PDCD6: variants seen among roughly 807,000 people sequenced by gnomAD.
The protein encoded by PDCD6 is programmed cell death 6, also known as programmed cell death protein 6.
Under a neutral mutation model 28.3 loss-of-function variants are expected in PDCD6, and 12 were observed. The observed-to-expected ratio is 0.42, with a 90% confidence interval of 0.27 to 0.69. PDCD6 has a LOEUF of 0.69. Ranked by LOEUF, PDCD6 falls within the 30% of genes least tolerant of loss-of-function variation. The pLI is 0.22. For missense variants in PDCD6, 226 were observed against 269.9 expected (o/e 0.84, Z 1.14); for synonymous variants, 92 against 108.0 (o/e 0.85, Z 0.92).
At chr5:283,013 G>A (rs1738688283) in intron 2 of PDCD6, among the ~76,000 whole-genome samples, 2 of 150,640 alleles carry the variant, frequency 1.3e-5, no homozygotes, top group South Asian at 2.1e-4. Context: ...ATTGAGCATC[G>A]TACAGCTGAA....
intron 3 of PDCD6, 48 bp downstream of exon 3, chr5:304,269 G>A (rs761400769): frequency 1.1e-5 from 15 of 1,316,778 alleles, no homozygotes; most frequent in African/African-American, 3.7e-5. Flanking sequence ...TATCCGACCC[G>A]CTTGGGTACC....
At chr5:277,979 A>G (rs373952225) in intron 2 of PDCD6, among the ~76,000 whole-genome samples, 4 of 151,968 alleles carry the variant, frequency 2.6e-5, no homozygotes, top group South Asian at 2.1e-4. Context: ...GGCCAGACAA[A>G]TCTAAACTTT....
chr5:302,706 G>T (rs1467987151), intron 2 of PDCD6, among the ~76,000 whole-genome samples: 1 of 115,682 alleles, frequency 8.6e-6, no homozygotes, highest in Non-Finnish European at 1.8e-5. Context: ...TGTGTGTGTG[G>T]GCCACGGGTT....
rs761977523 is a variant in PDCD6, at chr5:306,694, A to G, written c.301A>G (p.Thr101Ala). ...CACGGACTGGCAGAACGTCTTCCGC[A>G]CGTACGACCGGGACAACTCCGGGAT... is the stretch of plus-strand genomic sequence containing the variant. ...YITDWQNVFR[T>A]YDRDNSGMID... is the part of the protein sequence containing the mutation. The change falls in exon 4 of 6, where the codon ACG becomes GCG. Residue 101 changes from threonine (T) to alanine (A), a missense_variant. By Grantham distance (58) the Thr-to-Ala change is moderately conservative (BLOSUM62 0). Transcript: ENST00000264933. 17 of 1,613,958 alleles carry G rather than the reference A, an allele frequency of 1.1e-5. No individual in the cohort carries two copies. The East Asian group carries it at 2.9e-4, about 27-fold the overall frequency.
At position 298,192 on chromosome 5, in the gene PDCD6, A is replaced by G. The variant is rs565764442; in HGVS notation, c.164-5985A>G. Among the ~76,000 whole-genome samples the G allele has an allele frequency of 5.3e-4, 81 of 152,250 alleles. 3 individuals carry two copies. The South Asian group carries it at 0.014, about 27-fold the overall frequency. ...CGAGCTGGAGAAGCTGGGGGCCCCC[A>G]TAGCCCCACTGTCCTTCCTGCCTCA... On this transcript the variant is annotated intron_variant, in intron 2 of 5. Coordinates refer to ENST00000264933, the MANE Select transcript of PDCD6 (RefSeq NM_013232.4).
chr5:279,807 C>CGGG (rs1491222274), intron 2 of PDCD6, among the ~76,000 whole-genome samples: 1 of 88,808 alleles, frequency 1.1e-5, no homozygotes, highest in Non-Finnish European at 1.9e-5. Context: ...AAAAAAAAAA[C>CGGG]GAGGAGCCGG....
intron 2 of PDCD6, among the ~76,000 whole-genome samples, chr5:274,529 G>A (rs3975660): frequency 3.3e-5 from 5 of 152,236 alleles, no homozygotes; most frequent in South Asian, 2.1e-4. Context: ...CTGGCACGGA[G>A]CAAGTGCTCA....
rs141094518 is a variant in PDCD6 at position 314,134 on chromosome 5, C to T, written c.478-283C>T. 2.7e-4 allele frequency among the ~76,000 whole-genome samples: 41 copies of T among 152,356 alleles called. No homozygotes were observed. The East Asian group carries it at 2.7e-3, about 10-fold the overall frequency. On this transcript the variant is annotated intron_variant, in intron 5 of 5. Transcript: ENST00000264933. ...GGGGAGAAGGAAGGGCCCAGGCCCC[C>T]AGGAGACTCAGGAGACCAGAGCCTG...
rs1740434023 is a variant in PDCD6 at position 305,714 on chromosome 5, C to T, written c.209-888C>T. ...GTGGAATGGTCGTATGAAAAACAGC[C>T]CCTGGTCCACACACCACACACGTCG... On this transcript the variant is annotated intron_variant, in intron 3 of 5. Transcript: ENST00000264933. The surrounding 1 kb of genome is among the most constrained non-coding windows in gnomAD (Gnocchi z 4.0). 1 of 152,218 alleles carries T rather than the reference C, an allele frequency of 6.6e-6. No homozygotes were observed. The highest frequency in any genetic ancestry group is 2.1e-4 in the South Asian group (1 of 4,834). 9.4% of individuals were successfully genotyped at this position (152,218 alleles called of 1,614,324 possible).
chr5:302,527 C>G (rs1740160670), intron 2 of PDCD6, among the ~76,000 whole-genome samples: 1 of 138,828 alleles, frequency 7.2e-6, no homozygotes, highest in African/African-American at 2.7e-5. Flanking sequence ...GCCTCGGGTT[C>G]AGGTGCACCT....
chr5:302,661 G>A (rs1238179301), intron 2 of PDCD6, among the ~76,000 whole-genome samples: 1 of 147,050 alleles, frequency 6.8e-6, no homozygotes, highest in Non-Finnish European at 1.5e-5. Flanking sequence ...CAGCTTCCCC[G>A]CATAACTGCT....
Position 306,584 on chromosome 5 carries a change from C to T in PDCD6, c.209-18C>T, listed in dbSNP as rs149432728. Reference sequence around the variant, plus strand: ...TGCAACTGATCTTTTGCTGCTTGACCGTTCCTCTCTGTCTCAGCCATGTTT... The same window carrying T: ...TGCAACTGATCTTTTGCTGCTTGACTGTTCCTCTCTGTCTCAGCCATGTTT... On this transcript the variant is annotated intron_variant, in intron 3 of 5. Coordinates refer to ENST00000264933, the MANE Select transcript of PDCD6 (RefSeq NM_013232.4). 24 of 1,609,876 alleles carry T rather than the reference C, an allele frequency of 1.5e-5. No individual in the cohort carries two copies. Among genetic ancestry groups the T allele is most frequent in the South Asian group, 4.4e-5 (4 of 90,996 alleles).
intron 2 of PDCD6, among the ~76,000 whole-genome samples, chr5:294,821 C>G (rs1185090719): frequency 6.6e-6 from 1 of 152,138 alleles, no homozygotes; most frequent in South Asian, 2.1e-4. Context: ...CGGGAACCAA[C>G]GCGGATGCTT....
intron 2 of PDCD6, among the ~76,000 whole-genome samples, chr5:295,674 G>A (rs1739567210): frequency 1.4e-5 from 2 of 146,602 alleles, no homozygotes; most frequent in Admixed American, 6.9e-5. Flanking sequence ...TTCACCTTCG[G>A]TGGGTGGTCC....
intron 2 of PDCD6, among the ~76,000 whole-genome samples, chr5:284,521 G>C (rs1011069485): frequency 1.3e-5 from 2 of 152,160 alleles, no homozygotes; most frequent in African/African-American, 4.8e-5. Context: ...CCTGTGCGGG[G>C]GAGAAGATGT....
chr5:279,970 A>G (rs1424103193), intron 2 of PDCD6, among the ~76,000 whole-genome samples: 1 of 114,220 alleles, frequency 8.8e-6, no homozygotes, highest in African/African-American at 3.6e-5. Flanking sequence ...GGGGTTGGCA[A>G]CCTAACCAAG....
intron 2 of PDCD6, among the ~76,000 whole-genome samples, chr5:274,876 C>T (rs761881479): frequency 2.0e-5 from 3 of 152,186 alleles, no homozygotes; most frequent in Admixed American, 1.3e-4. Context: ...ATCTTGATTT[C>T]AGCTGCTACT....
chr5:276,104 C>T (rs1738181390), intron 2 of PDCD6: 2 of 1,025,912 alleles, frequency 1.9e-6, no homozygotes, highest in South Asian at 1.3e-5. Flanking sequence ...TGGTGCACGC[C>T]TGTATTCCCA....
Position 307,190 on chromosome 5 carries a change from C to T in PDCD6, c.367+430C>T, listed in dbSNP as rs1369455296. Among the ~76,000 whole-genome samples the T allele has an allele frequency of 1.3e-5, 2 of 151,616 alleles. No homozygotes were observed. Among genetic ancestry groups the T allele is most frequent in the East Asian group, 1.9e-4 (1 of 5,170 alleles). On this transcript the variant is annotated intron_variant, in intron 4 of 5. Transcript: ENST00000264933. This position sits in a 1 kb window ranked among gnomAD's most constrained non-coding sequence, Gnocchi z 6.1. The stretch of plus-strand genomic sequence containing the variant: ...TCCAAACCGTGCGCCTCAGAAGGGG[C>T]GTTAGGCAGAACGCGTGCCCATTCT...
Sources: gnomAD v4.1 joint callset for allele counts (sites outside exome capture counted in the v4.1 genomes callset) on GRCh38, gnomAD v4.1.1 for gene constraint, Gnocchi (gnomAD v3.1) non-coding constraint, MANE v1.5 for transcripts, NCBI Gene and HGNC (gene_info 2026-07-23, HGNC 2026-07-21) for gene names.